SNTG2: variants seen among roughly 807,000 people sequenced by gnomAD.
The protein encoded by SNTG2 is syntrophin gamma 2.
In SNTG2, 74 loss-of-function variants were observed where a neutral mutation model predicts 70.9. That is an observed-to-expected ratio of 1.04 (90% confidence interval 0.86 to 1.27). The LOEUF is 1.27. Ranked by LOEUF, SNTG2 falls within the 50% of genes most tolerant of loss-of-function variation. The pLI is 0.00. For synonymous variants in SNTG2, 278 were observed against 273.8 expected (o/e 1.02, Z -0.15); for missense variants, 717 against 690.7 (o/e 1.04, Z -0.43).
chr2:1,355,048 T>A (rs1032873112), intron 16 of SNTG2, among the ~76,000 whole-genome samples: 7 of 152,190 alleles, frequency 4.6e-5, no homozygotes, highest in African/African-American at 1.4e-4. Context: ...CAAGACTAAG[T>A]AAAATAACAT....
chr2:1,209,244 G>C lies in SNTG2; in HGVS notation c.719+14G>C. 1 of 1,613,830 alleles carries C rather than the reference G, an allele frequency of 6.2e-7. No individual in the cohort carries two copies. Among genetic ancestry groups the C allele is most frequent in the Non-Finnish European group, 8.5e-7 (1 of 1,179,772 alleles). On this transcript the variant is annotated intron_variant, in intron 9 of 16. Transcript: ENST00000308624. Reference sequence around the variant, plus strand: ...GGAAAAATTAAGGTGTGTGACCATTGTCTGAGATGGGAAACTTTGATGAAC... The same window carrying C: ...GGAAAAATTAAGGTGTGTGACCATTCTCTGAGATGGGAAACTTTGATGAAC...
chr2:963,172 T>G (rs1660410852), intron 1 of SNTG2, among the ~76,000 whole-genome samples: 1 of 152,138 alleles, frequency 6.6e-6, no homozygotes, highest in African/African-American at 2.4e-5. Flanking sequence ...TGATTAACAT[T>G]AACATCATTA....
chr2:1,048,913 CT>C (rs1161198907), intron 1 of SNTG2, among the ~76,000 whole-genome samples: 1 of 152,174 alleles, frequency 6.6e-6, no homozygotes, highest in East Asian at 1.9e-4. Context: ...GCATTCTCTG[CT>C]GATTAAATCA....
intron 9 of SNTG2, among the ~76,000 whole-genome samples, chr2:1,232,309 T>G (rs1258110214): frequency 6.6e-6 from 1 of 152,094 alleles, no homozygotes; most frequent in Non-Finnish European, 1.5e-5. Flanking sequence ...AAAATGACTT[T>G]TTTTTTTCCC....
At chr2:1,006,671 G>GT (rs1245519242) in intron 1 of SNTG2, among the ~76,000 whole-genome samples, 1 of 152,066 alleles carries the variant, frequency 6.6e-6, no homozygotes, top group Admixed American at 6.6e-5. Context: ...ATAATATATT[G>GT]TAACAGTGTT....
chr2:996,716 G>T (rs2147983523), intron 1 of SNTG2, among the ~76,000 whole-genome samples: 1 of 61,210 alleles, frequency 1.6e-5, no homozygotes, highest in Admixed American at 1.9e-4. Context: ...CTACCACTAG[G>T]TATTGATGAA....
chr2:1,267,880 G>A (rs1020047042), intron 14 of SNTG2, among the ~76,000 whole-genome samples: 2 of 152,220 alleles, frequency 1.3e-5, no homozygotes, highest in South Asian at 4.1e-4. Flanking sequence ...CCTGAGAAGT[G>A]ATGACACTTC....
intron 11 of SNTG2, among the ~76,000 whole-genome samples, chr2:1,242,155 T>G (rs1415370353): frequency 6.6e-6 from 1 of 152,182 alleles, no homozygotes; most frequent in East Asian, 1.9e-4. Context: ...GAGGATGGTT[T>G]CACGTTTTCT....
chr2:1,262,704 AGGCAACCGGAAGGCTCCGTCCAGACG>A (rs1479120592), intron 13 of SNTG2: 1 of 94,590 alleles, frequency 1.1e-5, no homozygotes, highest in African/African-American at 2.7e-5. Flanking sequence ...CGTCCAGACG[AGGCAACCGGAAGGCTCCGTCCAGACG>A]AGGCAACCGG....
intron 8 of SNTG2, among the ~76,000 whole-genome samples, chr2:1,182,971 T>C (rs1471514028): frequency 1.3e-5 from 2 of 152,130 alleles, no homozygotes; most frequent in Admixed American, 6.5e-5. Context: ...CCCAGGCTGG[T>C]CTTGAACTCC....
intron 1 of SNTG2, among the ~76,000 whole-genome samples, chr2:1,017,748 A>G (rs910989690): frequency 6.6e-6 from 1 of 152,232 alleles, no homozygotes; most frequent in Non-Finnish European, 1.5e-5. Context: ...CTGATCACAG[A>G]TAAGCATTGC....
chr2:1,237,068 G>A (rs565135207), intron 9 of SNTG2, among the ~76,000 whole-genome samples: 7 of 151,222 alleles, frequency 4.6e-5, no homozygotes, highest in South Asian at 2.1e-4. Flanking sequence ...GTAGCCTTCC[G>A]AGTAGCTGGA....
In SNTG2 at chr2:1,367,530, T is replaced by G; in HGVS notation, c.*56T>G. The G allele has an allele frequency of 1.3e-6, 2 of 1,536,570 alleles. No individual in the cohort carries two copies. Among genetic ancestry groups the G allele is most frequent in the Non-Finnish European group, 1.8e-6 (2 of 1,137,970 alleles). ...AATTATTTTCGTAAGAAATGATTCT[T>G]TCCTGCAGAATATTGCAACTTTGTG... On this transcript the variant is annotated 3_prime_UTR_variant, in exon 17 of 17. Transcript: ENST00000308624.
intron 8 of SNTG2, 91 bp downstream of exon 8, chr2:1,173,274 C>A: frequency 8.6e-7 from 1 of 1,158,576 alleles, no homozygotes; most frequent in Non-Finnish European, 1.3e-6. Flanking sequence ...AGATGCTGTA[C>A]TGCCCAGTGA....
At position 1,353,159 on chromosome 2, in the gene SNTG2, T is replaced by C. The variant is rs764147989; in HGVS notation, c.1489-14184T>C. 4.6e-5 allele frequency among the ~76,000 whole-genome samples: 7 copies of C among 152,048 alleles called. No homozygotes were observed. Among genetic ancestry groups the C allele is most frequent in the Admixed American group, 6.5e-5 (1 of 15,272 alleles). ...AAACTGGCTGTGGCGGGAGCACATA[T>C]ACCTCAGCAGTGAGCAAAGGCTGCA... On this transcript the variant is annotated intron_variant, in intron 16 of 16. Transcript: ENST00000308624. The surrounding 1 kb of genome is among the most constrained non-coding windows in gnomAD (Gnocchi z 4.2).
At chr2:1,256,573 G>A (rs570149040) in intron 12 of SNTG2, 17 of 152,168 alleles carry the variant, frequency 1.1e-4, no homozygotes, top group African/African-American at 2.9e-4. Context: ...GCTATAACTC[G>A]TGAAATAAAA....
At chr2:1,291,962 A>G (rs779349473) in intron 14 of SNTG2, among the ~76,000 whole-genome samples, 11 of 152,176 alleles carry the variant, frequency 7.2e-5, no homozygotes, top group Non-Finnish European at 1.3e-4. Flanking sequence ...CTAACAATCC[A>G]TGAGCACAAG....
rs759624529 is a variant in SNTG2, at chr2:1,083,569, G to A, written c.124G>A (p.Asp42Asn). 7 of 1,613,752 alleles carry A rather than the reference G, an allele frequency of 4.3e-6. No homozygotes were observed. The East Asian group carries it at 1.3e-4, about 31-fold the overall frequency. Residue 42 changes from aspartate (D) to asparagine (N), a missense_variant, in exon 2 of 17, where the codon GAC becomes AAC. By Grantham distance (23) the Asp-to-Asn change is conservative. Coordinates refer to ENST00000308624, the MANE Select transcript of SNTG2 (RefSeq NM_018968.4). ...TGATGAAGAGTCCGAAAATGCCTAT[G>A]ACATCCGGCTGAAGCTGACGAAAGA... ...LYDEESENAY[D>N]IRLKLTKEVL...
intron 1 of SNTG2, among the ~76,000 whole-genome samples, chr2:1,054,428 G>A (rs764336325): frequency 4.6e-5 from 7 of 152,156 alleles, no homozygotes; most frequent in Non-Finnish European, 1.0e-4. Context: ...AGAGGGCTTC[G>A]GGGATTTTCA....
Sources: allele counts gnomAD v4.1 joint callset (sites outside exome capture counted in the v4.1 genomes callset), GRCh38; gene constraint gnomAD v4.1.1; non-coding constraint Gnocchi (gnomAD v3.1); transcripts MANE v1.5; gene names NCBI Gene and HGNC (gene_info 2026-07-23, HGNC 2026-07-21).